The following LHFPL3 variants were observed in gnomAD, a reference collection of about 807,000 sequenced individuals.
The protein encoded by LHFPL3 is LHFPL tetraspan subfamily member 3.
A neutral mutation model predicts 19.3 loss-of-function variants in LHFPL3; 5 were observed. That is an observed-to-expected ratio of 0.26 (90% CI 0.14 to 0.54). The LOEUF (loss-of-function observed/expected upper bound fraction) is 0.54, where lower values mean the gene tolerates loss of function less well. Among genes scored for constraint, LHFPL3 ranks in the 20% least tolerant of loss-of-function variants. The probability of loss-of-function intolerance (pLI) is 0.94; values close to 1 mark genes in which losing one functional copy is unlikely to be tolerated. For missense variants in LHFPL3, 249 were observed against 307.4 expected (o/e 0.81, Z 1.42); for synonymous variants, 133 against 126.2 (o/e 1.05, Z -0.36).
chr7:104,558,806 GT>G (rs1789920824), intron 1 of LHFPL3, among the ~76,000 whole-genome samples: 1 of 145,496 alleles, frequency 6.9e-6, no homozygotes, highest in Non-Finnish European at 1.5e-5. Flanking sequence ...GGTTTTTATG[GT>G]TTTAGGTCTA....
At chr7:104,741,461 CAA>C (rs5886331) in intron 2 of LHFPL3, among the ~76,000 whole-genome samples, 3,998 of 92,926 alleles carry the variant, frequency 0.043, 86 homozygotes, top group East Asian at 0.11. Context: ...TTCTTTATGC[CAA>C]AAAAAAAAAA....
intron 1 of LHFPL3, among the ~76,000 whole-genome samples, chr7:104,490,984 G>C (rs1793333773): frequency 6.6e-6 from 1 of 152,078 alleles, no homozygotes; most frequent in Admixed American, 6.5e-5. Context: ...AGGACCCTAG[G>C]CTTCCAAGTT....
At chr7:104,878,470 T>C (rs990397159) in intron 2 of LHFPL3, among the ~76,000 whole-genome samples, 1 of 152,136 alleles carries the variant, frequency 6.6e-6, no homozygotes, top group Admixed American at 6.6e-5. Flanking sequence ...GTAATTGTTT[T>C]GGGGTACTAC....
intron 1 of LHFPL3, among the ~76,000 whole-genome samples, chr7:104,365,379 AG>A (rs1305675576): frequency 6.6e-6 from 1 of 152,142 alleles, no homozygotes; most frequent in Non-Finnish European, 1.5e-5. Context: ...CATCCTGAAT[AG>A]GGATGCTTTT....
At chr7:104,854,506 A>C (rs1368907937) in intron 2 of LHFPL3, among the ~76,000 whole-genome samples, 1 of 152,210 alleles carries the variant, frequency 6.6e-6, no homozygotes, top group Non-Finnish European at 1.5e-5. Context: ...TCAGGATGGC[A>C]TACTCTAGCT....
intron 2 of LHFPL3, among the ~76,000 whole-genome samples, chr7:104,781,901 G>C (rs77861394): frequency 2.6e-4 from 40 of 152,184 alleles, no homozygotes; most frequent in African/African-American, 9.4e-4. Flanking sequence ...TGCTTCCTCT[G>C]TCTGCCACTT....
intron 2 of LHFPL3, among the ~76,000 whole-genome samples, chr7:104,767,619 G>A (rs1270373220): frequency 6.6e-6 from 1 of 152,016 alleles, no homozygotes; most frequent in Non-Finnish European, 1.5e-5. Flanking sequence ...TACTTTCCTT[G>A]AGCCTCTCAA....
chr7:104,440,814 A>G (rs1042284077), intron 1 of LHFPL3, among the ~76,000 whole-genome samples: 1 of 152,202 alleles, frequency 6.6e-6, no homozygotes, highest in Non-Finnish European at 1.5e-5. Context: ...CCTAAGTGAG[A>G]CAAGCGGTTC....
rs563506070 is a variant in LHFPL3, at chr7:104,711,639, C to G, written c.446-25036C>G. ...AAGAATTTAAAAAAAACAATGTACA[C>G]AGCTAGAACCAGGCAAAATATCAGG... On this transcript the variant is annotated intron_variant, in intron 1 of 2. Coordinates refer to ENST00000424859, the MANE Select transcript of LHFPL3 (RefSeq NM_199000.3). 2.0e-5 allele frequency among the ~76,000 whole-genome samples: 3 copies of G among 152,222 alleles called. No individual in the cohort carries two copies. The South Asian group carries it at 6.2e-4, about 32-fold the overall frequency.
At chr7:104,808,737 G>A (rs28546605) in intron 2 of LHFPL3, among the ~76,000 whole-genome samples, 2 of 152,074 alleles carry the variant, frequency 1.3e-5, no homozygotes, top group Admixed American at 1.3e-4. Context: ...ATACTCTAAG[G>A]CCGGTGAGTC....
intron 1 of LHFPL3, among the ~76,000 whole-genome samples, chr7:104,711,843 A>T (rs942064535): frequency 2.6e-5 from 4 of 152,228 alleles, no homozygotes; most frequent in Non-Finnish European, 5.9e-5. Context: ...TAAAGCTACA[A>T]TTGATCTCAT....
intron 1 of LHFPL3, among the ~76,000 whole-genome samples, chr7:104,451,032 G>A (rs1458328714): frequency 6.6e-6 from 1 of 152,164 alleles, no homozygotes; most frequent in Non-Finnish European, 1.5e-5. Context: ...CCTCAGAAGT[G>A]GAAGGCTTGT....
At chr7:104,420,234 G>A (rs986101628) in intron 1 of LHFPL3, among the ~76,000 whole-genome samples, 3 of 152,198 alleles carry the variant, frequency 2.0e-5, no homozygotes, top group Non-Finnish European at 4.4e-5. Context: ...GAGAACCAGA[G>A]GGCCACACTA....
chr7:104,339,513 CA>C (rs1224825866), intron 1 of LHFPL3, among the ~76,000 whole-genome samples: 4 of 151,452 alleles, frequency 2.6e-5, no homozygotes, highest in Non-Finnish European at 5.9e-5. Flanking sequence ...AGAGTCTTGC[CA>C]AAAGAATACC....
At chr7:104,473,496 G>A (rs1209807884) in intron 1 of LHFPL3, among the ~76,000 whole-genome samples, 3 of 152,064 alleles carry the variant, frequency 2.0e-5, no homozygotes, top group Non-Finnish European at 4.4e-5. Flanking sequence ...ACCACTATTT[G>A]CCATGAAAAC....
chr7:104,880,413 C>T (rs1394923810), intron 2 of LHFPL3, among the ~76,000 whole-genome samples: 1 of 152,150 alleles, frequency 6.6e-6, no homozygotes, highest in Non-Finnish European at 1.5e-5. Context: ...AAATAAATCT[C>T]TTTCTGCATA....
intron 2 of LHFPL3, chr7:104,738,699 G>A (rs972687982): frequency 1.2e-4 from 18 of 152,192 alleles, no homozygotes; most frequent in African/African-American, 7.2e-5. Flanking sequence ...GAAAAGAACA[G>A]CTTAGAGGTA....
Position 104,847,323 on chromosome 7 carries a change from G to T in LHFPL3, c.683-58864G>T, listed in dbSNP as rs73417667. 6.0e-3 allele frequency among the ~76,000 whole-genome samples: 908 copies of T among 152,278 alleles called. 12 individuals carry two copies. Among genetic ancestry groups the T allele is most frequent in the African/African-American group, 0.021 (875 of 41,550 alleles). On this transcript the variant is annotated intron_variant, in intron 2 of 2. Transcript: ENST00000424859. ...TAACAAGGCCAGGGAAGTCTCTGAG[G>T]CAGTCAGAGAATAATTCAAAAGCCA...
chr7:104,641,888 C>T (rs1296443063), intron 1 of LHFPL3, among the ~76,000 whole-genome samples: 1 of 152,074 alleles, frequency 6.6e-6, no homozygotes, highest in Non-Finnish European at 1.5e-5. Flanking sequence ...AATGACTTTT[C>T]ATGGATGTGA....
Sources: allele counts gnomAD v4.1 joint callset (sites outside exome capture counted in the v4.1 genomes callset), GRCh38; gene constraint gnomAD v4.1.1; transcripts MANE v1.5; gene names NCBI Gene and HGNC (gene_info 2026-07-23, HGNC 2026-07-21).